Variants in TEX11 observed in about 807,000 individuals in gnomAD.
The protein encoded by TEX11 is testis-expressed protein 11.
Under a neutral mutation model 84.4 loss-of-function variants are expected in TEX11, and 7 were observed. That is an observed-to-expected ratio of 0.08 (90% CI 0.05 to 0.16). TEX11 has a LOEUF of 0.16. TEX11 is among the 10% of genes least tolerant of loss of function. TEX11 has a pLI of 1.00. For missense variants in TEX11, 551 were observed against 660.5 expected, an observed-to-expected ratio of 0.83 and a Z score of 1.82; for synonymous variants, 264 against 222.8, an observed-to-expected ratio of 1.18 and a Z score of -1.64.
At chrX:70,854,734 C>CAA (rs770772296) in intron 5 of TEX11, among the ~76,000 whole-genome samples, 26 of 79,710 alleles carry the variant, frequency 3.3e-4, no homozygotes, top group Middle Eastern at 7.5e-3. Context: ...GACCCTGTTT[C>CAA]AAAAAAAAAA....
intron 7 of TEX11, among the ~76,000 whole-genome samples, chrX:70,843,321 G>A (rs1221008034): frequency 1.8e-5 from 2 of 111,404 alleles, no homozygotes; most frequent in Non-Finnish European, 3.8e-5. Flanking sequence ...ACAACTATCT[G>A]ATCTTTGACA....
intron 25 of TEX11, among the ~76,000 whole-genome samples, chrX:70,587,983 C>T (rs961218538): frequency 1.2e-4 from 13 of 112,518 alleles, no homozygotes; most frequent in Non-Finnish European, 2.1e-4. Flanking sequence ...TTCAGATTTG[C>T]TTGGGGCCTG....
intron 9 of TEX11, among the ~76,000 whole-genome samples, chrX:70,792,125 C>A (rs867293364): frequency 8.8e-4 from 54 of 61,678 alleles, no homozygotes; most frequent in African/African-American, 1.1e-3. Flanking sequence ...AACTCCGTCT[C>A]AAAAAAAAAA....
At chrX:70,802,330 T>G (rs2091193706) in intron 9 of TEX11, among the ~76,000 whole-genome samples, 1 of 111,353 alleles carries the variant, frequency 9.0e-6, no homozygotes, top group Admixed American at 9.7e-5. Context: ...CAGTGAAATT[T>G]GAACAATGTG....
chrX:70,901,685 G>T (rs2091803980), intron 2 of TEX11, among the ~76,000 whole-genome samples: 1 of 111,723 alleles, frequency 9.0e-6, no homozygotes, highest in Admixed American at 9.5e-5. Context: ...CTGGCCCAGG[G>T]CTCATCTCCT....
At chrX:70,715,462 C>G (rs1242599093) in intron 13 of TEX11, among the ~76,000 whole-genome samples, 1 of 111,583 alleles carries the variant, frequency 9.0e-6, no homozygotes, top group Non-Finnish European at 1.9e-5. Context: ...TCATATAGTC[C>G]CATATTTCTT....
chrX:70,884,485 T>C (rs1232307600), intron 2 of TEX11, among the ~76,000 whole-genome samples: 2 of 111,387 alleles, frequency 1.8e-5, no homozygotes, highest in Non-Finnish European at 3.8e-5. Context: ...ACTGCAGAGG[T>C]TGGTTTGAAT....
At chrX:70,688,223 A>G (rs1351250450) in intron 13 of TEX11, among the ~76,000 whole-genome samples, 2 of 111,618 alleles carry the variant, frequency 1.8e-5, no homozygotes, top group Non-Finnish European at 3.8e-5. Flanking sequence ...AAAGAAAAAA[A>G]TCTTGAATGC....
At chrX:70,583,956 A>T (rs542025313) in intron 25 of TEX11, among the ~76,000 whole-genome samples, 1 of 112,258 alleles carries the variant, frequency 8.9e-6, no homozygotes, top group Non-Finnish European at 1.9e-5. Context: ...GAACTACTGT[A>T]CATCAAAAAA....
chrX:70,720,215 T>C (rs1410410516), intron 13 of TEX11, among the ~76,000 whole-genome samples: 1 of 111,547 alleles, frequency 9.0e-6, no homozygotes, highest in African/African-American at 3.3e-5. Context: ...CCCTGTCCTA[T>C]GTAGGGACAT....
chrX:70,551,904 A>G (rs1410870940), intron 28 of TEX11, among the ~76,000 whole-genome samples: 1 of 111,973 alleles, frequency 8.9e-6, no homozygotes. Flanking sequence ...TGGTACTGCT[A>G]CTTGGACCTA....
intron 9 of TEX11, among the ~76,000 whole-genome samples, chrX:70,771,089 T>C (rs1256909698): frequency 3.6e-5 from 4 of 112,247 alleles, no homozygotes; most frequent in Non-Finnish European, 5.6e-5. Context: ...TAAATTTACG[T>C]GTTTGTTTAA....
In TEX11 at chrX:70,714,343, T is replaced by A. The variant is rs763151619; in HGVS notation, c.1004+8275A>T. On this transcript the variant is annotated intron_variant, in intron 13 of 29. Coordinates refer to ENST00000374333, the MANE Select transcript of TEX11 (RefSeq NM_031276.3). ...CAGAGCTGAGTTCAGTTCCTGGATA[T>A]CCTTGTTAACTTTCTGTCGTGTTGA... Among the ~76,000 whole-genome samples, 151 of 111,326 alleles carry A rather than the reference T, an allele frequency of 1.4e-3. 1 individual carries two copies. Among genetic ancestry groups the A allele is most frequent in the Non-Finnish European group, 8.5e-4 (45 of 53,072 alleles).
intron 2 of TEX11, among the ~76,000 whole-genome samples, chrX:70,881,009 A>G: frequency 1.4e-5 from 1 of 71,783 alleles, no homozygotes; most frequent in African/African-American, 4.4e-5. Context: ...ATCATCCAAA[A>G]AAAAAAAAAA....
At chrX:70,761,166 T>G (rs778434394) in intron 9 of TEX11, among the ~76,000 whole-genome samples, 90 of 111,501 alleles carry the variant, frequency 8.1e-4, no homozygotes, top group African/African-American at 2.7e-3. Flanking sequence ...TTACTAGGAG[T>G]GTAAACTAGT....
At chrX:70,632,602 A>G (rs1224834016) in intron 17 of TEX11, among the ~76,000 whole-genome samples, 1 of 111,381 alleles carries the variant, frequency 9.0e-6, no homozygotes, top group Non-Finnish European at 1.9e-5. Flanking sequence ...AACAAAAACA[A>G]AACTGATAGA....
intron 2 of TEX11, among the ~76,000 whole-genome samples, chrX:70,887,806 G>C (rs1184291684): frequency 8.9e-6 from 1 of 112,473 alleles, no homozygotes; most frequent in Non-Finnish European, 1.9e-5. Context: ...CTGGCTTCAG[G>C]TTTGACCCAG....
chrX:70,596,033 A>T (rs1333392312), intron 24 of TEX11, among the ~76,000 whole-genome samples: 1 of 111,294 alleles, frequency 9.0e-6, no homozygotes, highest in Non-Finnish European at 1.9e-5. Context: ...AAAAATTACT[A>T]GGAACAAAGA....
intron 7 of TEX11, among the ~76,000 whole-genome samples, chrX:70,851,534 A>G (rs2091508327): frequency 9.0e-6 from 1 of 111,263 alleles, no homozygotes; most frequent in Non-Finnish European, 1.9e-5. Context: ...CTACTGGGGG[A>G]AGTGTAATAA....
Sources: gnomAD v4.1 joint callset for allele counts (sites outside exome capture counted in the v4.1 genomes callset) on GRCh38, gnomAD v4.1.1 for gene constraint, MANE v1.5 for transcripts, NCBI Gene and HGNC (gene_info 2026-07-23, HGNC 2026-07-21) for gene names.